Variants in SNPH observed in about 807,000 individuals in gnomAD.
The protein encoded by SNPH is syntaphilin.
In SNPH, 10 loss-of-function variants were observed where a neutral mutation model predicts 36.8. The observed-to-expected ratio is 0.27, with a 90% CI of 0.17 to 0.46. The LOEUF is 0.46. Among genes scored for constraint, SNPH ranks in the 20% least tolerant of loss-of-function variants. The probability of loss-of-function intolerance (pLI) is 1.00; values close to 1 mark genes in which losing one functional copy is unlikely to be tolerated. For synonymous variants in SNPH, 281 were observed against 312.2 expected, an observed-to-expected ratio of 0.90 and a Z score of 1.05; for missense variants, 622 against 744.0, an observed-to-expected ratio of 0.84 and a Z score of 1.91.
rs1162325274 is a variant in SNPH at position 1,279,618 on chromosome 20, C to CTTTTTTTTT, written c.-493+12869_-493+12877dup. On this transcript the variant is annotated intron_variant, in intron 2 of 6. Transcript: ENST00000381867. ...CTGGTTTCCTGAGAGACTCCGGCTT[C>CTTTTTTTTT]TTTTTTTTTTTTTTTTTTTGAGACA... Among the ~76,000 whole-genome samples the CTTTTTTTTT allele has an allele frequency of 1.9e-3, 239 of 123,010 alleles. 5 individuals carry two copies. Among genetic ancestry groups the CTTTTTTTTT allele is most frequent in the South Asian group, 3.3e-3 (12 of 3,628 alleles). 80.7% of individuals were successfully genotyped at this position (123,010 alleles called of 152,430 possible).
At chr20:1,273,294 C>T (rs531197298) in intron 2 of SNPH, among the ~76,000 whole-genome samples, 2 of 152,304 alleles carry the variant, frequency 1.3e-5, no homozygotes, top group South Asian at 2.1e-4. Flanking sequence ...AACCCTACCA[C>T]GGTTTCAGGG....
Position 1,288,626 on chromosome 20 carries a change from T to C in SNPH, c.-492-6325T>C, listed in dbSNP as rs556370371. On this transcript the variant is annotated intron_variant, in intron 2 of 6. Coordinates refer to ENST00000381867, the MANE Select transcript of SNPH (RefSeq NM_001318234.2). Reference sequence around the variant, plus strand: ...CATGAGGAATTTCTTTTTCTTTTTTTCTTTTTTTTTTTGAGATGGAGTCTC... The same window carrying C: ...CATGAGGAATTTCTTTTTCTTTTTTCCTTTTTTTTTTTGAGATGGAGTCTC... 1.2e-3 allele frequency among the ~76,000 whole-genome samples: 183 copies of C among 146,844 alleles called. 2 individuals carry two copies. The highest frequency in any genetic ancestry group is 4.2e-3 in the African/African-American group (169 of 40,418).
intron 2 of SNPH, among the ~76,000 whole-genome samples, chr20:1,281,897 A>T (rs1056490283): frequency 6.6e-6 from 1 of 152,268 alleles, no homozygotes; most frequent in African/African-American, 2.4e-5. Context: ...CTTGCTTTCA[A>T]TCTGGGAGCT....
At chr20:1,274,344 G>A (rs2088106811) in intron 2 of SNPH, among the ~76,000 whole-genome samples, 1 of 151,732 alleles carries the variant, frequency 6.6e-6, no homozygotes, top group South Asian at 2.1e-4. Flanking sequence ...CTCAGTTCAA[G>A]GGATGAAAGG....
In SNPH at chr20:1,304,126, C is replaced by T. The variant is rs1046144714; in HGVS notation, c.441-752C>T. On this transcript the variant is annotated intron_variant, in intron 6 of 6. Coordinates refer to ENST00000381867, the MANE Select transcript of SNPH (RefSeq NM_001318234.2). The surrounding 1 kb of genome is among the most constrained non-coding windows in gnomAD (Gnocchi z 4.3). Reference sequence around the variant, plus strand: ...ATCTTGTTCACCTGGTGCTTGCCCCCGTCGCTCAGGAGTAACTCTATGCCT... The same window carrying T: ...ATCTTGTTCACCTGGTGCTTGCCCCTGTCGCTCAGGAGTAACTCTATGCCT... Among the ~76,000 whole-genome samples, 1 of 152,174 alleles carries T rather than the reference C, an allele frequency of 6.6e-6. No individual in the cohort carries two copies.
intron 6 of SNPH, among the ~76,000 whole-genome samples, chr20:1,303,860 C>G (rs1361287812): frequency 6.6e-6 from 1 of 152,070 alleles, no homozygotes; most frequent in East Asian, 1.9e-4. Flanking sequence ...GCTGAGGGGG[C>G]TCATGTGGGC....
chr20:1,274,008 A>C (rs1416380776), intron 2 of SNPH, among the ~76,000 whole-genome samples: 1 of 152,192 alleles, frequency 6.6e-6, no homozygotes, highest in South Asian at 2.1e-4. Flanking sequence ...GTGAACAAAA[A>C]ATAAATAACT....
chr20:1,305,776 C>T lies in SNPH; in HGVS notation c.1339C>T (p.Pro447Ser). The T allele has an allele frequency of 6.2e-7, 1 of 1,609,262 alleles. No individual in the cohort carries two copies. The highest frequency in any genetic ancestry group is 1.1e-5 in the South Asian group (1 of 90,438). ...TGGCCAGTCGGTGAGCGTGGTGTGCCCCATGGAAGAGGAGGAGGAGGCTGC... is the reference window on the plus strand; with the variant it reads ...TGGCCAGTCGGTGAGCGTGGTGTGCTCCATGGAAGAGGAGGAGGAGGCTGC... ...NPGQSVSVVC[P>S]MEEEEEAAVA... The change falls in exon 7 of 7, where the codon CCC becomes TCC. Residue 447 changes from proline (P) to serine (S), a missense_variant. Around this residue, in one of 3 missense-constraint regions of SNPH, gnomAD observed 379 missense variants for 427.9 expected, o/e 0.89. Transcript: ENST00000381867.
chr20:1,296,953 CT>C, intron 4 of SNPH, 191 bp from the exon 5 acceptor site: 1 of 736,042 alleles, frequency 1.4e-6, no homozygotes, highest in Non-Finnish European at 1.7e-6. Context: ...CAGCCTTCTT[CT>C]GGTTTTCCAT....
intron 2 of SNPH, among the ~76,000 whole-genome samples, chr20:1,283,851 C>T (rs2088253811): frequency 6.6e-6 from 1 of 152,158 alleles, no homozygotes; most frequent in Non-Finnish European, 1.5e-5. Flanking sequence ...GGAGAAGGCC[C>T]TAAGTTTGCT....
At chr20:1,297,067 C>T (rs886922903) in intron 4 of SNPH, 78 bp from the exon 5 acceptor site, 25 of 1,504,164 alleles carry the variant, frequency 1.7e-5, no homozygotes, top group African/African-American at 4.2e-5. Context: ...TGGGCCGCAG[C>T]GGCCTGGCAG....
intron 2 of SNPH, among the ~76,000 whole-genome samples, chr20:1,284,141 A>G (rs917728949): frequency 1.3e-5 from 2 of 152,132 alleles, no homozygotes; most frequent in African/African-American, 4.8e-5. Context: ...CTCTGGTGCT[A>G]TTTTTTCAAA....
intron 2 of SNPH, among the ~76,000 whole-genome samples, chr20:1,271,636 G>A (rs1030167662): frequency 2.6e-5 from 4 of 152,222 alleles, no homozygotes; most frequent in African/African-American, 7.2e-5. Context: ...ATGACTTTAG[G>A]GGGTAAAAGG....
Position 1,304,731 on chromosome 20 carries a change from T to G in SNPH, c.441-147T>G. ...CACTCCCCACTATAATAAGAAGGCA[T>G]TGAGTTTGTCCTTCTGTTTTGGGTT... On this transcript the variant is annotated intron_variant, in intron 6 of 6. Transcript: ENST00000381867. This position sits in a 1 kb window ranked among gnomAD's most constrained non-coding sequence, Gnocchi z 4.3. 5.9e-6 allele frequency: 4 copies of G among 673,794 alleles called. No homozygotes were observed. The highest frequency in any genetic ancestry group is 1.8e-5 in the African/African-American group (1 of 55,438). The allele number at this position is 673,794 out of a possible 1,614,324, so 41.7% of individuals were successfully genotyped here. A position where few individuals can be genotyped will look rare whatever the true frequency, so the allele number is the denominator to read the frequency against.
intron 2 of SNPH, among the ~76,000 whole-genome samples, chr20:1,270,647 G>A (rs922918450): frequency 6.6e-6 from 1 of 152,160 alleles, no homozygotes; most frequent in Non-Finnish European, 1.5e-5. Context: ...GTCCCAGGTA[G>A]ACCAGAACCT....
At position 1,305,912 on chromosome 20, in the gene SNPH, G is replaced by T; in HGVS notation, c.1475G>T (p.Arg492Leu). 6.3e-7 allele frequency: 1 copy of T among 1,595,632 alleles called. No individual in the cohort carries two copies. The highest frequency in any genetic ancestry group is 2.3e-5 in the East Asian group (1 of 44,038). Residue 492 changes from arginine to leucine, a missense_variant, in exon 7 of 7, where the codon CGG becomes CTG. Arg to Leu is a moderately radical substitution (Grantham distance 102, BLOSUM62 -2). Around this residue, in one of 3 missense-constraint regions of SNPH, gnomAD observed 379 missense variants for 427.9 expected, o/e 0.89. Coordinates refer to ENST00000381867, the MANE Select transcript of SNPH (RefSeq NM_001318234.2). The part of the protein sequence containing the change: ...PTVAWLCRSQ[R>L]RQGQPIYNIS... ...GTGGCCTGGCTTTGCCGCTCCCAGC[G>T]GCGCCAGGGCCAGCCCATCTACAAC... is the stretch of plus-strand genomic sequence containing the variant.
intron 2 of SNPH, among the ~76,000 whole-genome samples, chr20:1,291,984 A>G (rs1438097157): frequency 6.6e-6 from 1 of 152,226 alleles, no homozygotes; most frequent in African/African-American, 2.4e-5. Context: ...AGAAGCCCAT[A>G]ATTTCATTGA....
intron 2 of SNPH, among the ~76,000 whole-genome samples, chr20:1,292,763 C>T (rs1259678440): frequency 1.3e-5 from 2 of 152,180 alleles, no homozygotes; most frequent in South Asian, 4.1e-4. Context: ...TCCCTAGTTT[C>T]TGAGCAGCCA....
At chr20:1,295,122 G>A (rs1357121396) in intron 3 of SNPH, 144 bp downstream of exon 3, 1 of 152,644 alleles carries the variant, frequency 6.6e-6, no homozygotes, top group Non-Finnish European at 1.5e-5. Context: ...TGCTGTTAAT[G>A]TGGAAGGAGG....
Sources: allele counts gnomAD v4.1 joint callset (sites outside exome capture counted in the v4.1 genomes callset), GRCh38; gene constraint gnomAD v4.1.1; regional missense constraint gnomAD v4.1.1; non-coding constraint Gnocchi (gnomAD v3.1); transcripts MANE v1.5; gene names NCBI Gene and HGNC (gene_info 2026-07-23, HGNC 2026-07-21).